Variants in HECW2 observed in about 807,000 individuals in gnomAD.
HECW2 encodes HECT, C2 and WW domain containing E3 ubiquitin protein ligase 2, also known as E3 ubiquitin-protein ligase HECW2.
HECW2 carries 61 observed loss-of-function variants against 175.2 expected under a neutral mutation model. The observed-to-expected ratio is 0.35, with a 90% CI of 0.28 to 0.43. The LOEUF (loss-of-function observed/expected upper bound fraction) is 0.43, where lower values mean the gene tolerates loss of function less well. HECW2 is among the 20% of genes least tolerant of loss of function. HECW2 has a pLI of 1.00. For synonymous variants in HECW2, 671 were observed against 731.0 expected (o/e 0.92, Z 1.32); for missense variants, 1,524 against 2,000.5 (o/e 0.76, Z 4.54).
chr2:196,280,145 T>C (rs1690131477), intron 14 of HECW2, among the ~76,000 whole-genome samples: 1 of 152,170 alleles, frequency 6.6e-6, no homozygotes, highest in Non-Finnish European at 1.5e-5. Flanking sequence ...AGATAGTTAA[T>C]TAGGTCATCA....
chr2:196,296,985 G>T (rs1183235625), intron 13 of HECW2, among the ~76,000 whole-genome samples: 1 of 152,150 alleles, frequency 6.6e-6, no homozygotes, highest in Non-Finnish European at 1.5e-5. Context: ...TTATCTTACA[G>T]AAAAAGATGC....
At chr2:196,229,256 A>C (rs549678714) in intron 21 of HECW2, among the ~76,000 whole-genome samples, 1 of 151,808 alleles carries the variant, frequency 6.6e-6, no homozygotes, top group Admixed American at 6.6e-5. Context: ...TTCTCCCTCT[A>C]TCTTATTTTT....
chr2:196,433,104 A>G, intron 2 of HECW2, 28 bp downstream of exon 2: 3 of 1,565,320 alleles, frequency 1.9e-6, no homozygotes, highest in South Asian at 2.4e-5. Flanking sequence ...GCTCTGAGTC[A>G]CATGCAAGTC....
intron 1 of HECW2, among the ~76,000 whole-genome samples, chr2:196,591,045 A>T (rs1216265663): frequency 1.3e-5 from 2 of 152,234 alleles, no homozygotes; most frequent in African/African-American, 4.8e-5. Context: ...CAATCTACAC[A>T]ACACATAGAT....
At chr2:196,378,027 T>G (rs1311136191) in intron 2 of HECW2, among the ~76,000 whole-genome samples, 2 of 152,250 alleles carry the variant, frequency 1.3e-5, no homozygotes, top group African/African-American at 4.8e-5. Flanking sequence ...AGATTAGTTT[T>G]GCACGTATTA....
At chr2:196,355,092 A>G (rs1349696061) in intron 2 of HECW2, among the ~76,000 whole-genome samples, 1 of 152,252 alleles carries the variant, frequency 6.6e-6, no homozygotes, top group Non-Finnish European at 1.5e-5. Context: ...CTTATAATTT[A>G]TGGTGGATAT....
chr2:196,352,441 A>C (rs914019106), intron 2 of HECW2, among the ~76,000 whole-genome samples: 1 of 152,176 alleles, frequency 6.6e-6, no homozygotes, highest in South Asian at 2.1e-4. Flanking sequence ...GCAGGACACT[A>C]TCTCTGACAT....
intron 21 of HECW2, among the ~76,000 whole-genome samples, chr2:196,230,345 T>C (rs1049862285): frequency 5.3e-5 from 8 of 152,238 alleles, no homozygotes; most frequent in Non-Finnish European, 1.5e-5. Context: ...ATTCTTTACA[T>C]ACTCAGAAGC....
chr2:196,307,950 T>C lies in HECW2; in HGVS notation c.2570A>G (p.Glu857Gly). The C allele has an allele frequency of 6.4e-7, 1 of 1,558,522 alleles. No homozygotes were observed. Among genetic ancestry groups the C allele is most frequent in the Non-Finnish European group, 8.7e-7 (1 of 1,143,160 alleles). Residue 857 changes from glutamate (E) to glycine (G), a missense_variant, in exon 11 of 29, where the codon GAG becomes GGG. This residue lies in a region of HECW2 where 82 missense variants were observed against 124.4 expected (regional missense o/e 0.66). Coordinates refer to ENST00000644978, the MANE Select transcript of HECW2 (RefSeq NM_001348768.2). Reference sequence around the variant, plus strand: ...TCATCCTCACCGCCGGTTCAGCTGCTCCATTTGCTGTATGGAGTTAGATCT... The same window carrying C: ...TCATCCTCACCGCCGGTTCAGCTGCCCCATTTGCTGTATGGAGTTAGATCT... ...LQRSNSIQQM[E>G]QLNRRYQSIR...
intron 1 of HECW2, among the ~76,000 whole-genome samples, chr2:196,494,046 T>C (rs1687295530): frequency 6.6e-6 from 1 of 152,200 alleles, no homozygotes; most frequent in Admixed American, 6.5e-5. Flanking sequence ...ACAGACGTCA[T>C]GGCTTTGAGT....
At chr2:196,345,378 AAAAT>A (rs1046724842) in intron 2 of HECW2, among the ~76,000 whole-genome samples, 6 of 152,206 alleles carry the variant, frequency 3.9e-5, no homozygotes, top group African/African-American at 1.2e-4. Flanking sequence ...ATACCTCTCC[AAAAT>A]CCCATCCAGC....
intron 1 of HECW2, among the ~76,000 whole-genome samples, chr2:196,573,727 A>G (rs1335832938): frequency 6.6e-6 from 1 of 152,206 alleles, no homozygotes; most frequent in East Asian, 1.9e-4. Context: ...AGCTGTGGCA[A>G]ACAAGAGGCT....
rs1399896096 is a variant in HECW2 at position 196,547,789 on chromosome 2, TG to T, written c.-36+45718del. Among the ~76,000 whole-genome samples, 4 of 152,274 alleles carry T rather than the reference TG, an allele frequency of 2.6e-5. No individual in the cohort carries two copies. The East Asian group carries it at 7.7e-4, about 29-fold the overall frequency. On this transcript the variant is annotated intron_variant, in intron 1 of 28. Transcript: ENST00000644978. ...GTCAGCAGGAAGGAAGAAAGAGAAA[TG>T]GCTAGATTTTCCCCCATTGGCTAGA...
intron 19 of HECW2, among the ~76,000 whole-genome samples, chr2:196,249,288 C>T (rs1264676970): frequency 1.3e-5 from 2 of 152,154 alleles, no homozygotes; most frequent in Non-Finnish European, 2.9e-5. Context: ...CTTCTGGCAT[C>T]ACTGAGGTTG....
chr2:196,499,852 G>T (rs1687518204), intron 1 of HECW2, among the ~76,000 whole-genome samples: 1 of 152,018 alleles, frequency 6.6e-6, no homozygotes, highest in Admixed American at 6.6e-5. Flanking sequence ...TTCCTCAAGG[G>T]TTTTATTTAT....
At chr2:196,209,765 C>CT (rs59896485) in intron 28 of HECW2, among the ~76,000 whole-genome samples, 2,661 of 140,184 alleles carry the variant, frequency 0.019, 81 homozygotes, top group East Asian at 0.16. Context: ...TTCTTTCTTT[C>CT]TTTTTTTTTT....
intron 16 of HECW2, among the ~76,000 whole-genome samples, chr2:196,272,892 A>G (rs1689791297): frequency 1.1e-5 from 1 of 93,056 alleles, no homozygotes; most frequent in South Asian, 5.2e-4. Flanking sequence ...TAGTAATAAC[A>G]TAAAAAAAAA....
intron 1 of HECW2, among the ~76,000 whole-genome samples, chr2:196,443,340 T>C (rs918835259): frequency 4.6e-5 from 7 of 152,166 alleles, no homozygotes; most frequent in Non-Finnish European, 1.5e-5. Flanking sequence ...GACCCTTAAA[T>C]GTGTAACGAG....
At chr2:196,536,912 C>T (rs920302621) in intron 1 of HECW2, among the ~76,000 whole-genome samples, 2 of 152,190 alleles carry the variant, frequency 1.3e-5, no homozygotes, top group African/African-American at 4.8e-5. Context: ...CAGAGGTCCC[C>T]AAATTCACTA....
Sources: allele counts gnomAD v4.1 joint callset (sites outside exome capture counted in the v4.1 genomes callset), GRCh38; gene constraint gnomAD v4.1.1; regional missense constraint gnomAD v4.1.1; transcripts MANE v1.5; gene names NCBI Gene and HGNC (gene_info 2026-07-23, HGNC 2026-07-21).